The following CRCT1 variants were observed in gnomAD, a reference collection of about 807,000 sequenced individuals.
CRCT1 encodes cysteine-rich C-terminal protein 1.
For synonymous variants in CRCT1, 86 were observed against 60.3 expected (o/e 1.43, Z -1.98); for missense variants, 160 against 136.3 (o/e 1.17, Z -0.87).
intron 1 of CRCT1, 36 bp from the exon 2 acceptor site, chr1:152,515,326 A>T: frequency 4.1e-6 from 6 of 1,470,030 alleles, no homozygotes; most frequent in Non-Finnish European, 5.4e-6. Context: ...GGAAAGAAAA[A>T]GCCGGCTCGC....
Position 152,515,684 on chromosome 1 carries a change from G to C in CRCT1, c.*1G>C, listed in dbSNP as rs1457886538. Reference sequence around the variant, plus strand: ...CTCAGGATGCTGCTCCGGCTGCTGAGAGGCCCGCAACCCCCAGCGCTGCGC... The same window carrying C: ...CTCAGGATGCTGCTCCGGCTGCTGACAGGCCCGCAACCCCCAGCGCTGCGC... On this transcript the variant is annotated 3_prime_UTR_variant, in exon 2 of 2. Transcript: ENST00000368790. 2 of 1,508,564 alleles carry C rather than the reference G, an allele frequency of 1.3e-6. No homozygotes were observed. Among genetic ancestry groups the C allele is most frequent in the Non-Finnish European group, 1.8e-6 (2 of 1,126,874 alleles). 93.4% of individuals were successfully genotyped at this position (1,508,564 alleles called of 1,614,324 possible).
Position 152,515,980 on chromosome 1 carries a change from GT to G in CRCT1, c.*298del, listed in dbSNP as rs1347190869. 1.9e-5 allele frequency: 7 copies of G among 362,844 alleles called. No individual in the cohort carries two copies. The highest frequency in any genetic ancestry group is 4.2e-5 in the African/African-American group (2 of 47,570). 22.5% of individuals were successfully genotyped at this position (362,844 alleles called of 1,614,324 possible). ...ATTGATTTGATTGTCTTTTGAAGAT[GT>G]CATAATAAAGCTTCTACCTCCTGAG... is the stretch of plus-strand genomic sequence containing the variant. On this transcript the variant is annotated 3_prime_UTR_variant, in exon 2 of 2. Coordinates refer to ENST00000368790, the MANE Select transcript of CRCT1 (RefSeq NM_019060.3).
At chr1:152,515,250 T>G in intron 1 of CRCT1, 112 bp from the exon 2 acceptor site, 1 of 900,398 alleles carries the variant, frequency 1.1e-6, no homozygotes, top group South Asian at 2.1e-5. Flanking sequence ...TTTCCCTCCT[T>G]GTCCCAGGCC....
At chr1:152,514,926 C>A (rs1336665054) in intron 1 of CRCT1, among the ~76,000 whole-genome samples, 1 of 152,134 alleles carries the variant, frequency 6.6e-6, no homozygotes, top group African/African-American at 2.4e-5. Flanking sequence ...GCAGGTGGGA[C>A]CGCCTGTTGG....
At chr1:152,515,309 C>T (rs1658713234) in intron 1 of CRCT1, 53 bp from the exon 2 acceptor site, 1 of 1,411,254 alleles carries the variant, frequency 7.1e-7, no homozygotes, top group Non-Finnish European at 9.4e-7. Context: ...GACAGAGTTC[C>T]ATTGGTGGAA....
At position 152,515,899 on chromosome 1, in the gene CRCT1, C is replaced by T. The variant is rs1658742067; in HGVS notation, c.*216C>T. ...GGGGATTCGAGAGCCATGCGTGGGA[C>T]ACTGGACCCTACTGTCTACACGGGC... On this transcript the variant is annotated 3_prime_UTR_variant, in exon 2 of 2. Transcript: ENST00000368790. 4.2e-6 allele frequency: 3 copies of T among 711,988 alleles called. No individual in the cohort carries two copies. The highest frequency in any genetic ancestry group is 5.3e-5 in the South Asian group (2 of 37,876). 44.1% of individuals were successfully genotyped at this position (711,988 alleles called of 1,614,324 possible). A position where few individuals can be genotyped will look rare whatever the true frequency, so the allele number is the denominator to read the frequency against.
chr1:152,515,564 T>G lies in CRCT1; in HGVS notation c.181T>G (p.Cys61Gly). Residue 61 changes from cysteine to glycine, a missense_variant, in exon 2 of 2, where the codon TGC becomes GGC. Cys to Gly is a radical substitution (Grantham distance 159, BLOSUM62 -3). Transcript: ENST00000368790. Reference sequence around the variant, plus strand: ...CTGCGGCTCCAGCTCCACCAGTTGCTGCTGCTTCCCAAGGAGACGCCGCCG... The same window carrying G: ...CTGCGGCTCCAGCTCCACCAGTTGCGGCTGCTTCCCAAGGAGACGCCGCCG... ...GCCGSSSTSC[C>G]CFPRRRRRQR... 1 of 1,596,176 alleles carries G rather than the reference T, an allele frequency of 6.3e-7. No individual in the cohort carries two copies. Among genetic ancestry groups the G allele is most frequent in the Non-Finnish European group, 8.5e-7 (1 of 1,176,644 alleles).
At position 152,515,509 on chromosome 1, in the gene CRCT1, C is replaced by G; in HGVS notation, c.126C>G (p.Ser42=). 1 of 1,598,546 alleles carries G rather than the reference C, an allele frequency of 6.3e-7. No individual in the cohort carries two copies. Among genetic ancestry groups the G allele is most frequent in the South Asian group, 1.1e-5 (1 of 90,258 alleles). The part of the protein sequence containing the change: ...APASSSSCCG[S]GRGCCGDSGC... ...CCTCCTCCTCCTCCTGCTGCGGCTC[C>G]GGCAGGGGCTGCTGCGGCGACTCAG... Residue 42 remains serine, a synonymous_variant, in exon 2 of 2, where the codon TCC becomes TCG. Transcript: ENST00000368790.
chr1:152,515,406 T>C lies in CRCT1; in HGVS notation c.23T>C (p.Val8Ala), dbSNP rs1210651125. 3.8e-6 allele frequency: 6 copies of C among 1,560,358 alleles called. No homozygotes were observed. In the Middle Eastern group the frequency reaches 7.2e-4, roughly 186 times the overall value. Residue 8 changes from valine to alanine, a missense_variant, in exon 2 of 2, where the codon GTT becomes GCT. Transcript: ENST00000368790. ...GCGATGTCCTCTCAACAGAGCGCCGTTTCCGCCAAAGGCTTTTCCAAGGGG... is the reference window on the plus strand; with the variant it reads ...GCGATGTCCTCTCAACAGAGCGCCGCTTCCGCCAAAGGCTTTTCCAAGGGG... MSSQQSA[V>A]SAKGFSKGSS...
rs73004856 is a variant in CRCT1 at position 152,515,441 on chromosome 1, G to A, written c.58G>A (p.Gly20Ser). Residue 20 changes from glycine to serine, a missense_variant, in exon 2 of 2, where the codon GGC (glycine) becomes AGC (serine). Transcript: ENST00000368790. ...AKGFSKGSSQ[G>S]PAPCPAPAPT... Reference sequence around the variant, plus strand: ...AGGCTTTTCCAAGGGGTCGTCCCAGGGCCCCGCTCCGTGTCCCGCCCCGGC... The same window carrying A: ...AGGCTTTTCCAAGGGGTCGTCCCAGAGCCCCGCTCCGTGTCCCGCCCCGGC... The A allele has an allele frequency of 9.8e-3, 15,642 of 1,598,488 alleles. 1,007 individuals are homozygous for A. In the African/African-American group the frequency reaches 0.16, roughly 16 times the overall value.
rs2282296 is a variant in CRCT1 at position 152,515,503 on chromosome 1, C to T, written c.120C>T (p.Cys40=). Residue 40 remains cysteine (C), a synonymous_variant, in exon 2 of 2, where the codon TGC becomes TGT. Coordinates refer to ENST00000368790, the MANE Select transcript of CRCT1 (RefSeq NM_019060.3). The stretch of plus-strand genomic sequence containing the variant: ...CGCCCGCCTCCTCCTCCTCCTGCTG[C>T]GGCTCCGGCAGGGGCTGCTGCGGCG... ...TPAPASSSSC[C]GSGRGCCGDS... is the part of the protein sequence containing the mutation. 0.61 allele frequency: 976,411 copies of T among 1,598,260 alleles called. 305,943 individuals are homozygous for T. Among genetic ancestry groups the T allele is most frequent in the East Asian group, 0.69 (30,584 of 44,594 alleles).
At chr1:152,514,630 A>G (rs1026220140) in intron 1 of CRCT1, 78 bp downstream of exon 1, 2 of 152,326 alleles carry the variant, frequency 1.3e-5, no homozygotes, top group Non-Finnish European at 2.9e-5. Flanking sequence ...GAACACAGGC[A>G]GCAGATAGAT....
At position 152,515,451 on chromosome 1, in the gene CRCT1, C is replaced by A; in HGVS notation, c.68C>A (p.Pro23Gln). Reference protein sequence around the residue: ...FSKGSSQGPAPCPAPAPTPAP... With the variant: ...FSKGSSQGPAQCPAPAPTPAP... ...AAGGGGTCGTCCCAGGGCCCCGCTC[C>A]GTGTCCCGCCCCGGCGCCCACCCCG... The change falls in exon 2 of 2, where the codon CCG becomes CAG. Residue 23 changes from proline (P) to glutamine (Q), a missense_variant. Coordinates refer to ENST00000368790, the MANE Select transcript of CRCT1 (RefSeq NM_019060.3). The A allele has an allele frequency of 6.2e-7, 1 of 1,602,840 alleles. No homozygotes were observed. Among genetic ancestry groups the A allele is most frequent in the Non-Finnish European group, 8.5e-7 (1 of 1,177,030 alleles).
chr1:152,515,237 G>C, intron 1 of CRCT1, 125 bp from the exon 2 acceptor site: 1 of 726,268 alleles, frequency 1.4e-6, no homozygotes, highest in Non-Finnish European at 2.1e-6. Context: ...CTTTCTGGGT[G>C]CTTTTCCCTC....
Position 152,515,690 on chromosome 1 carries a change from C to G in CRCT1, c.*7C>G. ...ATGCTGCTCCGGCTGCTGAGAGGCC[C>G]GCAACCCCCAGCGCTGCGCTAGAGA... On this transcript the variant is annotated 3_prime_UTR_variant, in exon 2 of 2. Transcript: ENST00000368790. 1 of 1,499,028 alleles carries G rather than the reference C, an allele frequency of 6.7e-7. No individual in the cohort carries two copies. Among genetic ancestry groups the G allele is most frequent in the Middle Eastern group, 2.4e-4 (1 of 4,100 alleles). 92.9% of individuals were successfully genotyped at this position (1,499,028 alleles called of 1,614,324 possible).
Position 152,515,605 on chromosome 1 carries a change from T to G in CRCT1, c.222T>G (p.Gly74=). Residue 74 remains glycine (G), a synonymous_variant, in exon 2 of 2, where the codon GGT becomes GGG. Transcript: ENST00000368790. ...PRRRRRQRSS[G]CCCCGGGSQR... ...GACGCCGCCGACAGCGGAGTAGTGG[T>G]TGCTGCTGCTGCGGGGGCGGCAGCC... 11 of 1,589,758 alleles carry G rather than the reference T, an allele frequency of 6.9e-6. No individual in the cohort carries two copies. The highest frequency in any genetic ancestry group is 9.4e-6 in the Non-Finnish European group (11 of 1,172,572).
At position 152,515,632 on chromosome 1, in the gene CRCT1, G is replaced by C; in HGVS notation, c.249G>C (p.Gln83His). Reference protein sequence around the residue: ...SGCCCCGGGSQRSQRSNNRSS... With the variant: ...SGCCCCGGGSHRSQRSNNRSS... ...GCTGCTGCTGCGGGGGCGGCAGCCA[G>C]AGGTCCCAGCGCTCCAACAACCGGA... The change falls in exon 2 of 2, where the codon CAG becomes CAC. Residue 83 changes from glutamine (Q) to histidine (H), a missense_variant. By Grantham distance (24) the Gln-to-His change is conservative (BLOSUM62 0). Transcript: ENST00000368790. The C allele has an allele frequency of 1.3e-6, 2 of 1,581,676 alleles. No individual in the cohort carries two copies. The highest frequency in any genetic ancestry group is 1.7e-6 in the Non-Finnish European group (2 of 1,167,278).
rs1240428649 is a variant in CRCT1, at chr1:152,515,624, G to T, written c.241G>T (p.Gly81Cys). 3.8e-6 allele frequency: 6 copies of T among 1,582,450 alleles called. No individual in the cohort carries two copies. The highest frequency in any genetic ancestry group is 5.1e-6 in the Non-Finnish European group (6 of 1,168,206). Residue 81 changes from glycine (G) to cysteine (C), a missense_variant, in exon 2 of 2, where the codon GGC (glycine) becomes TGC (cysteine). By Grantham distance (159) the Gly-to-Cys change is radical. Coordinates refer to ENST00000368790, the MANE Select transcript of CRCT1 (RefSeq NM_019060.3). ...TAGTGGTTGCTGCTGCTGCGGGGGC[G>T]GCAGCCAGAGGTCCCAGCGCTCCAA... Reference protein sequence around the residue: ...RSSGCCCCGGGSQRSQRSNNR... With the variant: ...RSSGCCCCGGCSQRSQRSNNR...
At position 152,515,376 on chromosome 1, in the gene CRCT1, G is replaced by T. The variant is rs755207146; in HGVS notation, c.-8G>T. On this transcript the variant is annotated 5_prime_UTR_variant, in exon 2 of 2. Transcript: ENST00000368790. ...CTTTCTTCCAGGTTTGTCGTGAGGA[G>T]CTCCGCGATGTCCTCTCAACAGAGC... 1.3e-6 allele frequency: 2 copies of T among 1,507,582 alleles called. No individual in the cohort carries two copies. Among genetic ancestry groups the T allele is most frequent in the African/African-American group, 2.8e-5 (2 of 70,702 alleles). The allele number at this position is 1,507,582 out of a possible 1,614,324, so 93.4% of individuals were successfully genotyped here. A position where few individuals can be genotyped will look rare whatever the true frequency, so the allele number is the denominator to read the frequency against.
Sources: allele counts gnomAD v4.1 joint callset (sites outside exome capture counted in the v4.1 genomes callset), GRCh38; gene constraint gnomAD v4.1.1; transcripts MANE v1.5; gene names NCBI Gene and HGNC (gene_info 2026-07-23, HGNC 2026-07-21).